The following DDX6 variants were observed in gnomAD, a reference collection of about 807,000 sequenced individuals.
DDX6 encodes probable ATP-dependent RNA helicase DDX6.
DDX6 carries 7 observed loss-of-function variants against 60.6 expected under a neutral mutation model. The ratio of observed to expected loss-of-function variants is 0.12; its 90% CI spans 0.07 to 0.22. The LOEUF (loss-of-function observed/expected upper bound fraction) is 0.22. DDX6 is among the 10% of genes least tolerant of loss of function. The pLI, the probability that DDX6 is intolerant of heterozygous loss-of-function variation, is 1.00. For missense variants in DDX6, 270 were observed against 589.9 expected (o/e 0.46, Z 5.62); for synonymous variants, 207 against 201.0 (o/e 1.03, Z -0.25).
At chr11:118,781,471 T>G (rs1346332047) in intron 2 of DDX6, among the ~76,000 whole-genome samples, 14 of 152,214 alleles carry the variant, frequency 9.2e-5, no homozygotes, top group African/African-American at 3.4e-4. Flanking sequence ...ACACAGCATG[T>G]GTTTTAATTT....
chr11:118,769,949 C>G lies in DDX6; in HGVS notation c.370-1597G>C, dbSNP rs149579699. Among the ~76,000 whole-genome samples, 874 of 151,680 alleles carry G rather than the reference C, an allele frequency of 5.8e-3. 15 individuals are homozygous for G. The highest frequency in any genetic ancestry group is 0.02 in the African/African-American group (836 of 41,336). On this transcript the variant is annotated intron_variant, in intron 4 of 13. Coordinates refer to ENST00000534980, the MANE Select transcript of DDX6 (RefSeq NM_004397.6). Reference sequence around the variant, plus strand: ...GGTGTTGATCTCCTGACCTCGTGATCCACCCGCTTTGGCCTCCCAAAGTGC... The same window carrying G: ...GGTGTTGATCTCCTGACCTCGTGATGCACCCGCTTTGGCCTCCCAAAGTGC...
rs1860780895 is a variant in DDX6 at position 118,751,784 on chromosome 11, TCTC to T, written c.*318_*320del. 2.8e-6 allele frequency: 1 copy of T among 356,850 alleles called. No homozygotes were observed. Among genetic ancestry groups the T allele is most frequent in the Admixed American group, 4.0e-5 (1 of 24,934 alleles). The allele number at this position is 356,850 out of a possible 1,614,324, so 22.1% of individuals were successfully genotyped here. On this transcript the variant is annotated 3_prime_UTR_variant, in exon 14 of 14. Coordinates refer to ENST00000534980, the MANE Select transcript of DDX6 (RefSeq NM_004397.6). ...AAGCTTGTGTGTTCATTAAGATTCT[TCTC>T]TTTTTAGGGTTTCTCCCCTTCTCTT...
intron 11 of DDX6, among the ~76,000 whole-genome samples, chr11:118,755,980 T>C (rs974529434): frequency 1.2e-4 from 18 of 145,108 alleles, no homozygotes; most frequent in African/African-American, 4.2e-4. Flanking sequence ...ATCGCACCAC[T>C]GCACTCCAGC....
intron 7 of DDX6, among the ~76,000 whole-genome samples, chr11:118,761,590 C>T (rs1413904720): frequency 6.6e-6 from 1 of 151,694 alleles, no homozygotes; most frequent in Non-Finnish European, 1.5e-5. Context: ...GCACTCCAAG[C>T]GGGGCAACGA....
At chr11:118,754,149 C>G (rs1591881343) in intron 13 of DDX6, among the ~76,000 whole-genome samples, 2 of 152,266 alleles carry the variant, frequency 1.3e-5, no homozygotes, top group African/African-American at 2.4e-5. Context: ...AGGCCAGGCA[C>G]AGTGGCACAG....
At chr11:118,785,305 A>C (rs557382099) in intron 2 of DDX6, among the ~76,000 whole-genome samples, 1 of 152,278 alleles carries the variant, frequency 6.6e-6, no homozygotes, top group African/African-American at 2.4e-5. Context: ...GACTGTTCAG[A>C]ACTGTGTTCT....
intron 13 of DDX6, among the ~76,000 whole-genome samples, chr11:118,754,381 T>A (rs894231783): frequency 1.3e-5 from 2 of 152,090 alleles, no homozygotes; most frequent in Non-Finnish European, 2.9e-5. Flanking sequence ...CACTCCAGCC[T>A]GGATGACAGT....
chr11:118,747,819 A>C lies in DDX6; in HGVS notation c.*4286T>G, dbSNP rs1268071254. The C allele has an allele frequency of 1.3e-5, 2 of 151,386 alleles. No individual in the cohort carries two copies. The highest frequency in any genetic ancestry group is 4.9e-5 in the African/African-American group (2 of 41,140). The allele number at this position is 151,386 out of a possible 1,614,324, so 9.4% of individuals were successfully genotyped here. A position where few individuals can be genotyped will look rare whatever the true frequency, so the allele number is the denominator to read the frequency against. On this transcript the variant is annotated 3_prime_UTR_variant, in exon 14 of 14. Transcript: ENST00000534980. ...AATTAACAAAAACCAAGATTTTACC[A>C]TATTTTTGGAACCTTATAAACTCAG...
intron 4 of DDX6, among the ~76,000 whole-genome samples, chr11:118,776,575 C>A (rs1591915330): frequency 6.6e-6 from 1 of 152,118 alleles, no homozygotes. Flanking sequence ...TGGCTCACGT[C>A]TGTAATCCCA....
chr11:118,771,461 T>C (rs929628795), intron 4 of DDX6, among the ~76,000 whole-genome samples: 1 of 152,190 alleles, frequency 6.6e-6, no homozygotes, highest in Admixed American at 6.5e-5. Context: ...TATTTTGCCT[T>C]ATATGATGGC....
rs1343024630 is a variant in DDX6, at chr11:118,751,943, CTTTT to C, written c.*158_*161del. 5 of 416,534 alleles carry C rather than the reference CTTTT, an allele frequency of 1.2e-5. No individual in the cohort carries two copies. Among genetic ancestry groups the C allele is most frequent in the Non-Finnish European group, 2.4e-5 (5 of 210,532 alleles). 25.8% of individuals were successfully genotyped at this position (416,534 alleles called of 1,614,324 possible). ...AAAAGGTATATTCCTTCTTTTCAGCCTTTTTCTCTTCACCAGTTAAAAAAAGAAA... is the reference window on the plus strand; with the variant it reads ...AAAAGGTATATTCCTTCTTTTCAGCCTCTCTTCACCAGTTAAAAAAAGAAA... On this transcript the variant is annotated 3_prime_UTR_variant, in exon 14 of 14. Coordinates refer to ENST00000534980, the MANE Select transcript of DDX6 (RefSeq NM_004397.6).
intron 6 of DDX6, among the ~76,000 whole-genome samples, chr11:118,764,530 C>A (rs939970979): frequency 2.0e-5 from 3 of 152,090 alleles, no homozygotes; most frequent in Non-Finnish European, 2.9e-5. Flanking sequence ...TATGGCCGGG[C>A]ACGGTGGCTC....
rs1359128307 is a variant in DDX6 at position 118,751,240 on chromosome 11, C to CTT, written c.*863_*864dup. ...CTACTGGAGGCATATGTAACCCAGT[C>CTT]TTTAGTGTCTGCTATAGAGCACAAA... On this transcript the variant is annotated 3_prime_UTR_variant, in exon 14 of 14. Transcript: ENST00000534980. 6.6e-6 allele frequency: 1 copy of CTT among 152,266 alleles called. No individual in the cohort carries two copies. The highest frequency in any genetic ancestry group is 1.5e-5 in the Non-Finnish European group (1 of 68,022). 9.4% of individuals were successfully genotyped at this position (152,266 alleles called of 1,614,324 possible).
intron 4 of DDX6, among the ~76,000 whole-genome samples, chr11:118,777,546 A>T (rs767393586): frequency 7.2e-5 from 11 of 152,160 alleles, no homozygotes; most frequent in African/African-American, 2.7e-4. Flanking sequence ...TTGGATGCCA[A>T]TGCTGGGCCA....
In DDX6 at chr11:118,791,089, C is replaced by T. The variant is rs1225988770; in HGVS notation, c.-268+9G>A. On this transcript the variant is annotated intron_variant, in intron 1 of 13. Transcript: ENST00000534980. ...CGAGCCGCCGGCTCCCCCGGCTGTC[C>T]AGCCCTACCTCCTCCGCTGCCCGCT... The T allele has an allele frequency of 6.6e-6, 1 of 151,798 alleles. No individual in the cohort carries two copies. The highest frequency in any genetic ancestry group is 2.0e-4 in the East Asian group (1 of 5,114). 9.4% of individuals were successfully genotyped at this position (151,798 alleles called of 1,614,324 possible). A position where few individuals can be genotyped will look rare whatever the true frequency, so the allele number is the denominator to read the frequency against.
intron 4 of DDX6, among the ~76,000 whole-genome samples, chr11:118,779,154 G>T (rs1861801740): frequency 3.7e-5 from 1 of 27,288 alleles, no homozygotes; most frequent in Non-Finnish European, 6.6e-5. Flanking sequence ...AGACCCAGTT[G>T]CCAAAAAAAA....
chr11:118,769,551 A>G (rs1344935806), intron 4 of DDX6, among the ~76,000 whole-genome samples: 1 of 152,200 alleles, frequency 6.6e-6, no homozygotes, highest in Non-Finnish European at 1.5e-5. Context: ...AAATAGACAT[A>G]TACAAAGAGA....
rs1591872155 is a variant in DDX6, at chr11:118,748,705, C to T, written c.*3400G>A. 1 of 151,768 alleles carries T rather than the reference C, an allele frequency of 6.6e-6. No homozygotes were observed. The highest frequency in any genetic ancestry group is 1.9e-4 in the East Asian group (1 of 5,180). 9.4% of individuals were successfully genotyped at this position (151,768 alleles called of 1,614,324 possible). ...TGTTTCTAAATCCTTAGTGCAGACA[C>T]CCTCCCTTCTGGGGCAAAGTACCCT... On this transcript the variant is annotated 3_prime_UTR_variant, in exon 14 of 14. Coordinates refer to ENST00000534980, the MANE Select transcript of DDX6 (RefSeq NM_004397.6).
At chr11:118,763,694 T>C (rs1237220302) in intron 6 of DDX6, among the ~76,000 whole-genome samples, 4 of 151,014 alleles carry the variant, frequency 2.6e-5, no homozygotes, top group South Asian at 2.1e-4. Context: ...ATTAGCTGGG[T>C]GTGGTGGTGG....
Sources: allele counts gnomAD v4.1 joint callset (sites outside exome capture counted in the v4.1 genomes callset), GRCh38; gene constraint gnomAD v4.1.1; transcripts MANE v1.5; gene names NCBI Gene and HGNC (gene_info 2026-07-23, HGNC 2026-07-21).